GPHN: variants seen among roughly 807,000 people sequenced by gnomAD.
GPHN encodes the protein gephyrin.
In GPHN, 17 loss-of-function variants were observed where a neutral mutation model predicts 95.5. The observed-to-expected ratio is 0.18, with a 90% confidence interval of 0.12 to 0.27. GPHN has a LOEUF of 0.27. GPHN is among the 10% of genes least tolerant of loss of function. The probability of loss-of-function intolerance (pLI) is 1.00; values close to 1 mark genes in which losing one functional copy is unlikely to be tolerated. For synonymous variants in GPHN, 320 were observed against 322.5 expected, an observed-to-expected ratio of 0.99 and a Z score of 0.08; for missense variants, 660 against 978.1, an observed-to-expected ratio of 0.67 and a Z score of 4.34.
chr14:67,468,357 G>T, the GPHN span, among the ~76,000 whole-genome samples: 1 of 152,154 alleles, frequency 6.6e-6, no homozygotes, highest in Non-Finnish European at 1.5e-5. Flanking sequence ...TCCCTCCCTT[G>T]GTTGTACCGG....
chr14:67,342,152 T>C, the GPHN span, among the ~76,000 whole-genome samples: 1 of 148,296 alleles, frequency 6.7e-6, no homozygotes, highest in African/African-American at 2.5e-5. Flanking sequence ...CAAATCCCCC[T>C]CTGTGAGAAA....
intron 1 of GPHN, among the ~76,000 whole-genome samples, chr14:66,676,154 A>G (rs943366794): frequency 6.6e-6 from 1 of 150,602 alleles, no homozygotes; most frequent in African/African-American, 2.4e-5. Context: ...TTCAACCCCA[A>G]CCTCCCCTCT....
At chr14:67,413,580 G>A in the GPHN span, among the ~76,000 whole-genome samples, 1 of 152,212 alleles carries the variant, frequency 6.6e-6, no homozygotes, top group Non-Finnish European at 1.5e-5. Flanking sequence ...GCCAGTCCCT[G>A]CCCTGGAGCT....
At chr14:67,584,273 C>T in the GPHN span, 4 of 737,820 alleles carry the variant, frequency 5.4e-6, no homozygotes, top group South Asian at 5.4e-5. Flanking sequence ...GTCCAGCTTT[C>T]CACAGTCCAG....
the GPHN span, among the ~76,000 whole-genome samples, chr14:67,291,175 T>C: frequency 1.3e-5 from 2 of 149,892 alleles, no homozygotes; most frequent in African/African-American, 4.9e-5. Flanking sequence ...ACAGAGTATA[T>C]GTGCGTGTGC....
intron 11 of GPHN, among the ~76,000 whole-genome samples, chr14:67,077,951 C>G (rs117310440): frequency 0.012 from 1,831 of 152,190 alleles, 19 homozygotes; most frequent in Non-Finnish European, 0.018. Context: ...CATAGCCTTG[C>G]CTTTAAGATT....
the GPHN span, chr14:67,471,156 G>A: frequency 7.9e-5 from 12 of 152,258 alleles, no homozygotes; most frequent in African/African-American, 2.9e-4. Flanking sequence ...ATACCCCCAG[G>A]ACCTCCTGCA....
intron 10 of GPHN, among the ~76,000 whole-genome samples, chr14:67,043,107 T>C (rs1444017147): frequency 6.6e-6 from 1 of 152,228 alleles, no homozygotes; most frequent in Non-Finnish European, 1.5e-5. Context: ...CTGAAGTTGC[T>C]TATCAGCTTA....
chr14:67,318,504 T>A, the GPHN span, among the ~76,000 whole-genome samples: 61 of 152,316 alleles, frequency 4.0e-4, 1 homozygote, highest in South Asian at 0.012. Context: ...GTGGCAAATC[T>A]GAACCTTATG....
intron 1 of GPHN, among the ~76,000 whole-genome samples, chr14:66,553,579 T>C (rs138056858): frequency 4.5e-4 from 69 of 152,086 alleles, no homozygotes; most frequent in African/African-American, 1.5e-3. Context: ...ATTTTAATTA[T>C]TGTACTTTTT....
the GPHN span, among the ~76,000 whole-genome samples, chr14:67,552,745 C>T: frequency 2.2e-4 from 32 of 146,792 alleles, no homozygotes; most frequent in East Asian, 6.1e-3. Context: ...CCAGCCTGGG[C>T]GACAGAGCAA....
intron 5 of GPHN, among the ~76,000 whole-genome samples, chr14:66,887,662 T>G (rs1236656932): frequency 1.3e-5 from 2 of 152,154 alleles, no homozygotes; most frequent in Non-Finnish European, 2.9e-5. Context: ...GAGGCCTGTC[T>G]ACAGCAGTTC....
At chr14:66,913,041 A>G (rs538826046) in intron 5 of GPHN, among the ~76,000 whole-genome samples, 4 of 152,130 alleles carry the variant, frequency 2.6e-5, no homozygotes, top group African/African-American at 2.4e-5. Flanking sequence ...TTTTTATCCA[A>G]TATATCAGCA....
downstream of GPHN, among the ~76,000 whole-genome samples, chr14:67,186,078 G>T (rs570779878): frequency 6.6e-6 from 1 of 152,036 alleles, no homozygotes; most frequent in Non-Finnish European, 1.5e-5. Context: ...TGTCCATTTC[G>T]TATGGCCAGC....
intron 4 of GPHN, among the ~76,000 whole-genome samples, chr14:66,839,021 T>C (rs926686030): frequency 6.6e-6 from 1 of 152,220 alleles, no homozygotes; most frequent in Admixed American, 6.5e-5. Context: ...TTTTCTTATA[T>C]TGAAACTTGG....
At chr14:67,194,183 T>C in the GPHN span, among the ~76,000 whole-genome samples, 1 of 151,386 alleles carries the variant, frequency 6.6e-6, no homozygotes, top group Non-Finnish European at 1.5e-5. Context: ...GGCAACATGG[T>C]GAAATCCCGT....
At chr14:67,160,543 A>G (rs539761238) in intron 19 of GPHN, among the ~76,000 whole-genome samples, 1 of 152,320 alleles carries the variant, frequency 6.6e-6, no homozygotes, top group South Asian at 2.1e-4. Context: ...AGTGAAAGAT[A>G]TGGCCATATC....
rs866676732 is a variant in GPHN, at chr14:66,998,886, A to T, written c.964-24747A>T. The stretch of plus-strand genomic sequence containing the variant: ...AGTTATGGTCCCTTTGTAAAAAAAA[A>T]AAATATATATATATATATACACATA... On this transcript the variant is annotated intron_variant, in intron 9 of 22. Coordinates refer to ENST00000478722, the MANE Select transcript of GPHN (RefSeq NM_020806.5). Among the ~76,000 whole-genome samples, 513 of 139,034 alleles carry T rather than the reference A, an allele frequency of 3.7e-3. 3 individuals carry two copies. Among genetic ancestry groups the T allele is most frequent in the African/African-American group, 0.013 (436 of 34,172 alleles). The allele number at this position is 139,034 out of a possible 152,430, so 91.2% of individuals were successfully genotyped here.
At chr14:67,313,372 A>C in the GPHN span, among the ~76,000 whole-genome samples, 3 of 152,240 alleles carry the variant, frequency 2.0e-5, no homozygotes, top group Non-Finnish European at 2.9e-5. Flanking sequence ...GTATTTACAC[A>C]AACCTAGATG....
Sources: allele counts gnomAD v4.1 joint callset (sites outside exome capture counted in the v4.1 genomes callset), GRCh38; gene constraint gnomAD v4.1.1; transcripts MANE v1.5; gene names NCBI Gene and HGNC (gene_info 2026-07-23, HGNC 2026-07-21).